The following NEGR1 variants were observed in gnomAD, a reference collection of about 807,000 sequenced individuals.
The protein encoded by NEGR1 is neuronal growth regulator 1, also known as IgLON family member 4.
NEGR1 carries 10 observed loss-of-function variants against 40.9 expected under a neutral mutation model. The ratio of observed to expected loss-of-function variants is 0.24; its 90% CI spans 0.15 to 0.42. NEGR1 has a LOEUF of 0.42. Ranked by LOEUF, NEGR1 falls within the 10% of genes least tolerant of loss-of-function variation. The pLI is 1.00. For synonymous variants in NEGR1, 185 were observed against 166.8 expected (o/e 1.11, Z -0.84); for missense variants, 352 against 438.9 (o/e 0.80, Z 1.77).
At chr1:71,731,155 A>G (rs1654853215) in intron 3 of NEGR1, among the ~76,000 whole-genome samples, 1 of 152,158 alleles carries the variant, frequency 6.6e-6, no homozygotes, top group South Asian at 2.1e-4. Flanking sequence ...TATTAACAAC[A>G]TATTCTAGGT....
At chr1:71,936,847 G>T (rs1218712344) in intron 1 of NEGR1, among the ~76,000 whole-genome samples, 1 of 152,188 alleles carries the variant, frequency 6.6e-6, no homozygotes, top group Admixed American at 6.6e-5. Flanking sequence ...AACAGAAGAA[G>T]GCTGTGGTCA....
chr1:71,749,307 A>T (rs1420230512), intron 3 of NEGR1, among the ~76,000 whole-genome samples: 1 of 152,188 alleles, frequency 6.6e-6, no homozygotes, highest in Non-Finnish European at 1.5e-5. Flanking sequence ...AAAATACTCA[A>T]AATTTATATA....
chr1:72,089,342 A>C (rs1648360457), intron 1 of NEGR1, among the ~76,000 whole-genome samples: 1 of 152,168 alleles, frequency 6.6e-6, no homozygotes, highest in South Asian at 2.1e-4. Flanking sequence ...TGGCAGACTA[A>C]ATGAGTTAAT....
intron 6 of NEGR1, among the ~76,000 whole-genome samples, chr1:71,532,713 T>C (rs927869332): frequency 6.6e-6 from 1 of 151,548 alleles, no homozygotes; most frequent in African/African-American, 2.4e-5. Context: ...CAGGAGGACA[T>C]ATCACAGATA....
intron 1 of NEGR1, among the ~76,000 whole-genome samples, chr1:72,054,483 C>G (rs1557503540): frequency 6.6e-6 from 1 of 151,334 alleles, no homozygotes; most frequent in Non-Finnish European, 1.5e-5. Context: ...AAAAAACTAA[C>G]ATTTGAAATA....
chr1:71,609,556 A>G (rs1204931113), intron 5 of NEGR1, among the ~76,000 whole-genome samples: 1 of 135,036 alleles, frequency 7.4e-6, no homozygotes, highest in African/African-American at 2.9e-5. Flanking sequence ...AAAAAAAAAA[A>G]GAAATGAGAC....
chr1:71,698,306 A>T (rs899186787), intron 3 of NEGR1, among the ~76,000 whole-genome samples, 167 bp from the exon 4 acceptor site: 5 of 151,974 alleles, frequency 3.3e-5, no homozygotes, highest in Non-Finnish European at 7.4e-5. Flanking sequence ...AAACTCAGAG[A>T]AAAAGCAGAA....
intron 1 of NEGR1, among the ~76,000 whole-genome samples, chr1:72,239,963 T>C (rs1329166024): frequency 6.6e-6 from 1 of 151,768 alleles, no homozygotes; most frequent in African/African-American, 2.4e-5. Context: ...ATGAAAAAAC[T>C]ACACAAAACC....
At chr1:71,883,814 GA>G (rs1660650318) in intron 2 of NEGR1, among the ~76,000 whole-genome samples, 1 of 146,832 alleles carries the variant, frequency 6.8e-6, no homozygotes, top group African/African-American at 2.5e-5. Context: ...CCATGAGTGA[GA>G]ACATGTGGTG....
intron 3 of NEGR1, 101 bp downstream of exon 3, chr1:71,776,071 C>CA (rs1656496705): frequency 1.6e-6 from 1 of 634,790 alleles, no homozygotes; most frequent in Non-Finnish European, 2.4e-6. Flanking sequence ...GAATAAAATA[C>CA]AAAAAATTAA....
chr1:71,830,780 G>C (rs1225221965), intron 2 of NEGR1, among the ~76,000 whole-genome samples: 1 of 151,956 alleles, frequency 6.6e-6, no homozygotes, highest in Admixed American at 6.6e-5. Flanking sequence ...TTAGATTTTA[G>C]TTGTTATAAT....
At chr1:71,661,179 A>G (rs1237964073) in intron 4 of NEGR1, among the ~76,000 whole-genome samples, 1 of 152,202 alleles carries the variant, frequency 6.6e-6, no homozygotes, top group African/African-American at 2.4e-5. Flanking sequence ...ATGTGTCTTT[A>G]TAGTAGAATG....
At chr1:71,501,550 G>A (rs1297073234) in intron 6 of NEGR1, among the ~76,000 whole-genome samples, 1 of 152,092 alleles carries the variant, frequency 6.6e-6, no homozygotes, top group East Asian at 1.9e-4. Flanking sequence ...TCATTGAGAG[G>A]TGGCAAATTT....
intron 2 of NEGR1, among the ~76,000 whole-genome samples, chr1:71,856,714 T>C (rs1659778987): frequency 1.3e-5 from 2 of 152,092 alleles, no homozygotes; most frequent in African/African-American, 4.8e-5. Context: ...ATTATGCTAA[T>C]TGTTGCATAA....
intron 2 of NEGR1, among the ~76,000 whole-genome samples, chr1:71,919,804 T>C (rs530942691): frequency 6.6e-6 from 1 of 152,196 alleles, no homozygotes; most frequent in African/African-American, 2.4e-5. Context: ...GTCAATCTTA[T>C]CAATATTTCA....
intron 2 of NEGR1, among the ~76,000 whole-genome samples, chr1:71,919,391 C>T (rs1413087708): frequency 1.3e-5 from 2 of 152,058 alleles, no homozygotes; most frequent in Non-Finnish European, 2.9e-5. Flanking sequence ...CTAAATTCAT[C>T]ACACTGTTAT....
rs144577164 is a variant in NEGR1, at chr1:71,711,511, T to TA, written c.536-13373dup. On this transcript the variant is annotated intron_variant, in intron 3 of 6. Coordinates refer to ENST00000357731, the MANE Select transcript of NEGR1 (RefSeq NM_173808.3). ...AAAAAAAAAAAAAGATTAGTGCTGT[T>TA]AGGAAGCAGAATAACTTGAATTCTC... is the stretch of plus-strand genomic sequence containing the variant. 1.3e-3 allele frequency among the ~76,000 whole-genome samples: 202 copies of TA among 150,980 alleles called. 2 individuals are homozygous for TA. Among genetic ancestry groups the TA allele is most frequent in the African/African-American group, 4.8e-3 (196 of 41,082 alleles).
chr1:72,254,736 A>G (rs1236108458), intron 1 of NEGR1, among the ~76,000 whole-genome samples: 2 of 150,138 alleles, frequency 1.3e-5, no homozygotes, highest in African/African-American at 4.9e-5. Context: ...TATTTATTAT[A>G]TGGTTCAATA....
chr1:71,883,900 AT>A (rs1379378604), intron 2 of NEGR1, among the ~76,000 whole-genome samples: 2 of 152,102 alleles, frequency 1.3e-5, no homozygotes, highest in Non-Finnish European at 2.9e-5. Context: ...CAAAACACCA[AT>A]TGTCATTGTT....
Sources: gnomAD v4.1 joint callset for allele counts (sites outside exome capture counted in the v4.1 genomes callset) on GRCh38, gnomAD v4.1.1 for gene constraint, MANE v1.5 for transcripts, NCBI Gene and HGNC (gene_info 2026-07-23, HGNC 2026-07-21) for gene names.